The following DCBLD2 variants were observed in gnomAD, a reference collection of about 807,000 sequenced individuals.
DCBLD2 encodes discoidin, CUB and LCCL domain-containing protein 2.
Under a neutral mutation model 86.8 loss-of-function variants are expected in DCBLD2, and 54 were observed. That is an observed-to-expected ratio of 0.62 (90% confidence interval 0.50 to 0.78). The LOEUF is 0.78. Among genes scored for constraint, DCBLD2 ranks in the 30% least tolerant of loss-of-function variants. The probability of loss-of-function intolerance (pLI) is 0.00; values close to 1 mark genes in which losing one functional copy is unlikely to be tolerated. For missense variants in DCBLD2, 908 were observed against 954.2 expected, an observed-to-expected ratio of 0.95 and a Z score of 0.64; for synonymous variants, 354 against 341.3, an observed-to-expected ratio of 1.04 and a Z score of -0.41.
At chr3:98,822,781 A>G (rs774193852) in intron 4 of DCBLD2, 40 bp from the exon 5 acceptor site, 57 of 1,521,988 alleles carry the variant, frequency 3.7e-5, no homozygotes, top group Admixed American at 2.3e-4. Flanking sequence ...ATAATGCTGT[A>G]TTTTACAGGG....
Position 98,799,793 on chromosome 3 carries a change from C to A in DCBLD2, c.1907G>T (p.Arg636Ile). The A allele has an allele frequency of 6.2e-7, 1 of 1,613,722 alleles. No individual in the cohort carries two copies. The highest frequency in any genetic ancestry group is 8.5e-7 in the Non-Finnish European group (1 of 1,179,764). Residue 636 changes from arginine (R) to isoleucine (I), a missense_variant, in exon 16 of 16, where the codon AGA (arginine) becomes ATA (isoleucine). Arg to Ile is a moderately conservative substitution (Grantham distance 97, BLOSUM62 -3). Around this residue, in one of 3 missense-constraint regions of DCBLD2, gnomAD observed 606 missense variants for 678.5 expected, o/e 0.89. Coordinates refer to ENST00000326840, the MANE Select transcript of DCBLD2 (RefSeq NM_080927.4). Reference protein sequence around the residue: ...VGGIVGTLHQRSTFKPEEGKE... With the variant: ...VGGIVGTLHQISTFKPEEGKE... Reference sequence around the variant, plus strand: ...TCCTTCTTCTGGTTTAAAGGTAGATCTTTGATGAAGTGTACCAACAATTCC... The same window carrying A: ...TCCTTCTTCTGGTTTAAAGGTAGATATTTGATGAAGTGTACCAACAATTCC...
At chr3:98,863,672 G>A (rs1943087448) in intron 2 of DCBLD2, among the ~76,000 whole-genome samples, 3 of 152,282 alleles carry the variant, frequency 2.0e-5, no homozygotes, top group Non-Finnish European at 4.4e-5. Flanking sequence ...GTAGAAAGCT[G>A]AAACTGGATC....
intron 2 of DCBLD2, among the ~76,000 whole-genome samples, chr3:98,869,033 AT>A (rs1322896628): frequency 6.6e-6 from 1 of 152,144 alleles, no homozygotes; most frequent in African/African-American, 2.4e-5. Context: ...TCTTTGATAA[AT>A]TTCCATACTG....
intron 1 of DCBLD2, among the ~76,000 whole-genome samples, chr3:98,887,898 C>G (rs1943589955): frequency 6.6e-6 from 1 of 152,022 alleles, no homozygotes; most frequent in Admixed American, 6.6e-5. Context: ...TTCTATAGGT[C>G]TGGACAAATA....
intron 12 of DCBLD2, among the ~76,000 whole-genome samples, chr3:98,808,695 A>G (rs981254643): frequency 2.6e-5 from 4 of 152,230 alleles, no homozygotes; most frequent in African/African-American, 7.2e-5. Context: ...CAAAGTGGCA[A>G]ATATTTAAAA....
chr3:98,799,316 T>TAA lies in DCBLD2; in HGVS notation c.*54_*55dup, dbSNP rs62821060. The TAA allele has an allele frequency of 0.2, 216,995 of 1,060,998 alleles. 5,213 individuals are homozygous for TAA. The highest frequency in any genetic ancestry group is 0.23 in the South Asian group (12,391 of 54,290). The allele number at this position is 1,060,998 out of a possible 1,614,324, so 65.7% of individuals were successfully genotyped here. ...TCTATATATTACTACCACTAATAAT[T>TAA]AAAAAAAAAAGGCCATGTGCTTTAA... On this transcript the variant is annotated 3_prime_UTR_variant, in exon 16 of 16. Coordinates refer to ENST00000326840, the MANE Select transcript of DCBLD2 (RefSeq NM_080927.4).
At chr3:98,857,457 A>G (rs1437413185) in intron 2 of DCBLD2, among the ~76,000 whole-genome samples, 1 of 136,884 alleles carries the variant, frequency 7.3e-6, no homozygotes, top group Non-Finnish European at 1.6e-5. Flanking sequence ...TCCATTTTAC[A>G]GAGAGCCGAC....
At position 98,810,004 on chromosome 3, in the gene DCBLD2, A is replaced by ATAC. The variant is rs1941910290; in HGVS notation, c.1576+1187_1576+1189dup. ...TCTTAGGTTCAAAAAATAAATTTAT[A>ATAC]TACTACCATCCCCCTAAAAAAGAGA... is the stretch of plus-strand genomic sequence containing the variant. On this transcript the variant is annotated intron_variant, in intron 12 of 15. Coordinates refer to ENST00000326840, the MANE Select transcript of DCBLD2 (RefSeq NM_080927.4). Among the ~76,000 whole-genome samples the ATAC allele has an allele frequency of 1.3e-5, 2 of 152,180 alleles. 1 individual carries two copies. Among genetic ancestry groups the ATAC allele is most frequent in the South Asian group, 4.1e-4 (2 of 4,832 alleles).
intron 1 of DCBLD2, among the ~76,000 whole-genome samples, chr3:98,891,038 C>T (rs968051841): frequency 1.2e-4 from 18 of 152,030 alleles, no homozygotes; most frequent in African/African-American, 4.1e-4. Flanking sequence ...AAATGTCAGA[C>T]AAGACCCCTG....
Position 98,873,759 on chromosome 3 carries a change from T to C in DCBLD2, c.433+7781A>G, listed in dbSNP as rs150112070. Among the ~76,000 whole-genome samples, 375 of 152,128 alleles carry C rather than the reference T, an allele frequency of 2.5e-3. 7 individuals are homozygous for C. Among genetic ancestry groups the C allele is most frequent in the African/African-American group, 8.8e-3 (365 of 41,518 alleles). On this transcript the variant is annotated intron_variant, in intron 2 of 15. Transcript: ENST00000326840. ...AAATCATGAAAATAGAGATTAATAATGTAGACAACAGAAAAACAATAGTTC... is the reference window on the plus strand; with the variant it reads ...AAATCATGAAAATAGAGATTAATAACGTAGACAACAGAAAAACAATAGTTC...
chr3:98,851,832 A>C (rs1312071826), intron 2 of DCBLD2, among the ~76,000 whole-genome samples: 1 of 152,244 alleles, frequency 6.6e-6, no homozygotes, highest in Non-Finnish European at 1.5e-5. Flanking sequence ...CAACGGGGAA[A>C]GGGTTCCCTA....
intron 2 of DCBLD2, among the ~76,000 whole-genome samples, chr3:98,862,420 A>T (rs1559790824): frequency 6.6e-6 from 1 of 152,234 alleles, no homozygotes; most frequent in Non-Finnish European, 1.5e-5. Context: ...CAACAAAAAA[A>T]GAGAATTTTA....
intron 1 of DCBLD2, among the ~76,000 whole-genome samples, chr3:98,899,012 G>GA (rs945773953): frequency 6.6e-6 from 1 of 150,436 alleles, no homozygotes; most frequent in Admixed American, 6.6e-5. Context: ...TAATGATGTA[G>GA]AAAACTGAGG....
At chr3:98,812,182 C>T (rs1941950598) in intron 10 of DCBLD2, 150 bp downstream of exon 10, 3 of 1,080,718 alleles carry the variant, frequency 2.8e-6, no homozygotes, top group Non-Finnish European at 3.8e-6. Context: ...ATAGGGTAAC[C>T]ATTTTTTTTA....
chr3:98,803,263 C>T (rs926365871), intron 13 of DCBLD2, among the ~76,000 whole-genome samples: 4 of 152,198 alleles, frequency 2.6e-5, no homozygotes, highest in Admixed American at 1.3e-4. Flanking sequence ...AGGTCCTTCA[C>T]ATCCCTTGTA....
At chr3:98,883,666 T>C (rs1943512572) in intron 1 of DCBLD2, among the ~76,000 whole-genome samples, 1 of 152,192 alleles carries the variant, frequency 6.6e-6, no homozygotes, top group South Asian at 2.1e-4. Flanking sequence ...AAGATTCAAA[T>C]AAATCTCTTT....
chr3:98,859,612 C>A (rs1162575755), intron 2 of DCBLD2, among the ~76,000 whole-genome samples: 3 of 152,232 alleles, frequency 2.0e-5, no homozygotes, highest in Non-Finnish European at 2.9e-5. Context: ...CCCAGGCAAA[C>A]AGGGTCTGGA....
At chr3:98,889,715 C>T (rs1460331423) in intron 1 of DCBLD2, among the ~76,000 whole-genome samples, 3 of 152,050 alleles carry the variant, frequency 2.0e-5, no homozygotes, top group Non-Finnish European at 1.5e-5. Flanking sequence ...AAACACCTAG[C>T]TTCTCAAATA....
At chr3:98,895,364 A>C (rs1191614064) in intron 1 of DCBLD2, 3 of 152,188 alleles carry the variant, frequency 2.0e-5, no homozygotes, top group Non-Finnish European at 4.4e-5. Flanking sequence ...ACAGTAACCA[A>C]CCAACGTTTT....
Sources: allele counts gnomAD v4.1 joint callset (sites outside exome capture counted in the v4.1 genomes callset), GRCh38; gene constraint gnomAD v4.1.1; regional missense constraint gnomAD v4.1.1; transcripts MANE v1.5; gene names NCBI Gene and HGNC (gene_info 2026-07-23, HGNC 2026-07-21).